The following SLC25A23 variants were observed in gnomAD, a reference collection of about 807,000 sequenced individuals.
SLC25A23 encodes the protein mitochondrial adenyl nucleotide antiporter SLC25A23.
In SLC25A23, 32 loss-of-function variants were observed where a neutral mutation model predicts 53.9. The observed-to-expected ratio is 0.59, with a 90% CI of 0.45 to 0.80. The LOEUF is 0.80. Among genes scored for constraint, SLC25A23 ranks in the 30% least tolerant of loss-of-function variants. The probability of loss-of-function intolerance (pLI) is 0.00; values close to 1 mark genes in which losing one functional copy is unlikely to be tolerated. For missense variants in SLC25A23, 575 were observed against 651.4 expected (o/e 0.88, Z 1.28); for synonymous variants, 275 against 264.5 (o/e 1.04, Z -0.38).
chr19:6,453,936 C>T, intron 7 of SLC25A23, 45 bp downstream of exon 7: 1 of 1,503,718 alleles, frequency 6.7e-7, no homozygotes, highest in South Asian at 1.2e-5. Flanking sequence ...TACAGCAGGC[C>T]CCCCACCCTG....
At chr19:6,442,945 T>G (rs1220730814) in intron 9 of SLC25A23, among the ~76,000 whole-genome samples, 3 of 149,908 alleles carry the variant, frequency 2.0e-5, no homozygotes, top group African/African-American at 7.4e-5. Flanking sequence ...TTTTTTTTTT[T>G]TTTTTTTTTG....
Position 6,458,312 on chromosome 19 carries a change from C to T in SLC25A23, c.169G>A (p.Glu57Lys). 1 of 1,612,764 alleles carries T rather than the reference C, an allele frequency of 6.2e-7. No homozygotes were observed. Among genetic ancestry groups the T allele is most frequent in the Non-Finnish European group, 8.5e-7 (1 of 1,179,886 alleles). The change falls in exon 2 of 10, where the codon GAG (glutamate) becomes AAG (lysine). Residue 57 changes from glutamate (E) to lysine (K), a missense_variant. Physicochemically the swap from Glu to Lys is moderately conservative, Grantham distance 56. Coordinates refer to ENST00000301454, the MANE Select transcript of SLC25A23 (RefSeq NM_024103.3). ...DPGAQQGISS[E>K]GDADPDGGLD... ...CCGCCATCTGGGTCAGCATCACCCT[C>T]AGAGGAGATACCCTGACAGAGGGAA...
chr19:6,455,553 G>A (rs2092666950), intron 4 of SLC25A23, among the ~76,000 whole-genome samples: 1 of 151,994 alleles, frequency 6.6e-6, no homozygotes, highest in Non-Finnish European at 1.5e-5. Context: ...TCTCCAAAGA[G>A]GTTCTCACCA....
intron 8 of SLC25A23, among the ~76,000 whole-genome samples, chr19:6,450,140 G>A (rs1965385656): frequency 1.3e-5 from 2 of 151,954 alleles, no homozygotes; most frequent in Admixed American, 1.3e-4. Context: ...TTATAGGTGT[G>A]AGCCACCGTG....
At position 6,442,584 on chromosome 19, in the gene SLC25A23, T is replaced by G. The variant is rs1226142843; in HGVS notation, c.1223-425A>C. Among the ~76,000 whole-genome samples the G allele has an allele frequency of 2.6e-5, 4 of 152,156 alleles. 1 individual carries two copies. Among genetic ancestry groups the G allele is most frequent in the African/African-American group, 7.2e-5 (3 of 41,432 alleles). On this transcript the variant is annotated intron_variant, in intron 9 of 9. Transcript: ENST00000301454. ...TGTTTTTTAGACGGAGTTTCGCTCT[T>G]GTTGCCCAGGCTGGAGTGCAATGGT...
chr19:6,451,056 C>T (rs796424569), intron 8 of SLC25A23, among the ~76,000 whole-genome samples: 18 of 143,618 alleles, frequency 1.3e-4, no homozygotes, highest in Admixed American at 4.3e-4. Flanking sequence ...CCAGCCTGGG[C>T]GACAGAGTGA....
chr19:6,458,236 A>T lies in SLC25A23; in HGVS notation c.245T>A (p.Leu82Gln). ...GTCAAGACTGTGAAACATGAGCAGCAGACGCTGTTCCCGCTCCTGCAGATA... is the reference window on the plus strand; with the variant it reads ...GTCAAGACTGTGAAACATGAGCAGCTGACGCTGTTCCCGCTCCTGCAGATA... ...SRYLQEREQRLLLMFHSLDRN... is the reference protein window; with the variant it reads ...SRYLQEREQRQLLMFHSLDRN... The change falls in exon 2 of 10, where the codon CTG (leucine) becomes CAG (glutamine). Residue 82 changes from leucine to glutamine, a missense_variant. Coordinates refer to ENST00000301454, the MANE Select transcript of SLC25A23 (RefSeq NM_024103.3). The T allele has an allele frequency of 6.2e-7, 1 of 1,613,790 alleles. No homozygotes were observed. Among genetic ancestry groups the T allele is most frequent in the Non-Finnish European group, 8.5e-7 (1 of 1,180,000 alleles).
intron 1 of SLC25A23, among the ~76,000 whole-genome samples, chr19:6,458,610 C>T (rs544507775): frequency 6.6e-6 from 1 of 152,284 alleles, no homozygotes; most frequent in Admixed American, 6.5e-5. Context: ...GAAATGGTAA[C>T]CTCAGTTCTC....
At position 6,459,497 on chromosome 19, in the gene SLC25A23, G is replaced by T; in HGVS notation, c.132C>A (p.Gly44=). 1 of 1,593,352 alleles carries T rather than the reference G, an allele frequency of 6.3e-7. No individual in the cohort carries two copies. ...CCTGTTGGGCGCCGGGGTCTGGGTTGCCCCCGCCCAGCCTGGCCAGCCCCT... is the reference window on the plus strand; with the variant it reads ...CCTGTTGGGCGCCGGGGTCTGGGTTTCCCCCGCCCAGCCTGGCCAGCCCCT... The part of the protein sequence containing the change: ...LRQGLARLGG[G]NPDPGAQQGI... The change falls in exon 1 of 10, where the codon GGC becomes GGA. Residue 44 remains glycine (G), a synonymous_variant. Transcript: ENST00000301454. This position sits in a 1 kb window ranked among gnomAD's most constrained non-coding sequence, Gnocchi z 4.6.
intron 9 of SLC25A23, 114 bp downstream of exon 9, chr19:6,444,037 G>A (rs2144810024): frequency 8.8e-7 from 1 of 1,131,296 alleles, no homozygotes; most frequent in Admixed American, 2.9e-5. Flanking sequence ...GGAAACGGAG[G>A]CCCAGAGAAG....
At chr19:6,449,353 A>G (rs1409186454) in intron 8 of SLC25A23, among the ~76,000 whole-genome samples, 2 of 151,394 alleles carry the variant, frequency 1.3e-5, no homozygotes, top group Non-Finnish European at 2.9e-5. Flanking sequence ...ACTGGGCTCA[A>G]GCAATTCTCC....
At chr19:6,452,507 A>G in intron 7 of SLC25A23, 28 bp from the exon 8 acceptor site, 2 of 1,580,992 alleles carry the variant, frequency 1.3e-6, no homozygotes, top group South Asian at 2.3e-5. Context: ...ATCCCTGGAA[A>G]AGCTGTCCCA....
chr19:6,453,248 T>TTTC (rs2092620444), intron 7 of SLC25A23, among the ~76,000 whole-genome samples: 1 of 149,950 alleles, frequency 6.7e-6, no homozygotes, highest in East Asian at 1.9e-4. Context: ...AGTTTTTTTT[T>TTTC]TTTTTTTTTT....
At chr19:6,445,294 A>C (rs2092486949) in intron 8 of SLC25A23, among the ~76,000 whole-genome samples, 1 of 151,890 alleles carries the variant, frequency 6.6e-6, no homozygotes, top group Admixed American at 6.6e-5. Context: ...TTATTAGTAG[A>C]GATGGGGTTT....
chr19:6,448,595 C>T (rs149682220), intron 8 of SLC25A23, among the ~76,000 whole-genome samples: 1,985 of 151,828 alleles, frequency 0.013, 53 homozygotes, highest in African/African-American at 0.044. Flanking sequence ...CTCAGCCTCC[C>T]GAGTAGCTGG....
At chr19:6,445,686 G>A (rs1385245766) in intron 8 of SLC25A23, among the ~76,000 whole-genome samples, 1 of 152,098 alleles carries the variant, frequency 6.6e-6, no homozygotes, top group Non-Finnish European at 1.5e-5. Context: ...ATATACATTC[G>A]TGTTGTTCTA....
chr19:6,456,595 T>A, intron 3 of SLC25A23, 64 bp from the exon 4 acceptor site: 1 of 1,313,316 alleles, frequency 7.6e-7, no homozygotes, highest in Non-Finnish European at 1.1e-6. Context: ...TAGGCTGGGG[T>A]GAAGTTCTGC....
At chr19:6,437,658 A>G (rs1426997283), downstream of SLC25A23, among the ~76,000 whole-genome samples, 1 of 151,800 alleles carries the variant, frequency 6.6e-6, no homozygotes, top group Non-Finnish European at 1.5e-5. Context: ...AAATACAAAA[A>G]ATTAGCTGGG....
At position 6,442,172 on chromosome 19, in the gene SLC25A23, G is replaced by GGC. The variant is rs907779047; in HGVS notation, c.1223-14_1223-13insGC. The GGC allele has an allele frequency of 4.2e-6, 6 of 1,444,194 alleles. No homozygotes were observed. The African/African-American group carries it at 9.7e-5, about 23-fold the overall frequency. 89.5% of individuals were successfully genotyped at this position (1,444,194 alleles called of 1,614,324 possible). On this transcript the variant is annotated splice_polypyrimidine_tract_variant and intron_variant, in intron 9 of 9. Transcript: ENST00000301454. ...CCCTCGATGGAGGCTGGGAGGGGGC[G>GGC]GGGGGGGCACCAGGTAAGGCCAACG...
Sources: gnomAD v4.1 joint callset for allele counts (sites outside exome capture counted in the v4.1 genomes callset) on GRCh38, gnomAD v4.1.1 for gene constraint, Gnocchi (gnomAD v3.1) non-coding constraint, MANE v1.5 for transcripts, NCBI Gene and HGNC (gene_info 2026-07-23, HGNC 2026-07-21) for gene names.